Variants in ROBO1 observed in about 807,000 individuals in gnomAD.
ROBO1 encodes the protein roundabout homolog 1.
Under a neutral mutation model 195.9 loss-of-function variants are expected in ROBO1, and 149 were observed. The ratio of observed to expected loss-of-function variants is 0.76; its 90% CI spans 0.67 to 0.87. The LOEUF (loss-of-function observed/expected upper bound fraction) is 0.87. Among genes scored for constraint, ROBO1 ranks in the 40% least tolerant of loss-of-function variants. The pLI is 0.00. For synonymous variants in ROBO1, 816 were observed against 733.2 expected (o/e 1.11, Z -1.82); for missense variants, 1,933 against 2,068.3 (o/e 0.93, Z 1.27).
At chr3:79,244,061 C>A (rs1276925005) in intron 2 of ROBO1, among the ~76,000 whole-genome samples, 1 of 151,978 alleles carries the variant, frequency 6.6e-6, no homozygotes. Flanking sequence ...CTAACCCTCA[C>A]TATTTCTTTT....
At chr3:78,608,034 C>CAT (rs563078977) in intron 28 of ROBO1, among the ~76,000 whole-genome samples, 16 of 152,006 alleles carry the variant, frequency 1.1e-4, no homozygotes, top group Admixed American at 8.5e-4. Flanking sequence ...CACACACACA[C>CAT]ACACACACAC....
At chr3:79,333,365 A>G (rs2034530395) in intron 2 of ROBO1, among the ~76,000 whole-genome samples, 1 of 152,206 alleles carries the variant, frequency 6.6e-6, no homozygotes, top group African/African-American at 2.4e-5. Context: ...CTTATCAATT[A>G]TCAAGCATGC....
intron 2 of ROBO1, among the ~76,000 whole-genome samples, chr3:79,287,126 C>A (rs997952855): frequency 6.6e-6 from 1 of 152,106 alleles, no homozygotes; most frequent in African/African-American, 2.4e-5. Context: ...ACACTAAATT[C>A]TTCAGTTTGT....
At chr3:79,387,662 T>C (rs2036802521) in intron 2 of ROBO1, among the ~76,000 whole-genome samples, 1 of 150,760 alleles carries the variant, frequency 6.6e-6, no homozygotes, top group South Asian at 2.1e-4. Context: ...ATTTTGTAAA[T>C]AAATATAAAA....
chr3:79,643,995 GA>G (rs1274072455), intron 1 of ROBO1, among the ~76,000 whole-genome samples: 1 of 152,114 alleles, frequency 6.6e-6, no homozygotes, highest in Non-Finnish European at 1.5e-5. Context: ...GACACTTATA[GA>G]CTGAAAGTGA....
At chr3:78,968,011 G>A (rs1180732016) in intron 3 of ROBO1, among the ~76,000 whole-genome samples, 2 of 152,094 alleles carry the variant, frequency 1.3e-5, no homozygotes, top group Admixed American at 6.6e-5. Context: ...TTTCATTTCA[G>A]TTTAAGAAAC....
rs373688418 is a variant in ROBO1 at position 79,580,253 on chromosome 3, C to T, written c.88+9571G>A. On this transcript the variant is annotated intron_variant, in intron 2 of 30. Coordinates refer to ENST00000464233, the MANE Select transcript of ROBO1 (RefSeq NM_002941.4). Reference sequence around the variant, plus strand: ...TTGAGAGGCCTAAGCTGGCAGATCACATGAGGCCAGGATTTTGACTCCAGC... The same window carrying T: ...TTGAGAGGCCTAAGCTGGCAGATCATATGAGGCCAGGATTTTGACTCCAGC... 4.6e-5 allele frequency among the ~76,000 whole-genome samples: 7 copies of T among 152,166 alleles called. No homozygotes were observed. The East Asian group carries it at 7.8e-4, about 17-fold the overall frequency.
chr3:78,675,800 C>G (rs1261663192), intron 10 of ROBO1, among the ~76,000 whole-genome samples: 2 of 152,122 alleles, frequency 1.3e-5, no homozygotes, highest in African/African-American at 4.8e-5. Context: ...ATGTACCTGT[C>G]TGACAGCTTT....
At chr3:79,592,105 G>C (rs1944015957) in intron 1 of ROBO1, among the ~76,000 whole-genome samples, 1 of 151,754 alleles carries the variant, frequency 6.6e-6, no homozygotes. Flanking sequence ...TGAGATTTTT[G>C]TATCTGTGGC....
intron 2 of ROBO1, among the ~76,000 whole-genome samples, chr3:79,525,922 A>G (rs1365600047): frequency 1.3e-5 from 2 of 152,038 alleles, no homozygotes; most frequent in African/African-American, 2.4e-5. Flanking sequence ...AAAACTCTAC[A>G]CTTATTTAAG....
At chr3:79,690,569 G>A (rs191846501) in intron 1 of ROBO1, among the ~76,000 whole-genome samples, 1 of 152,110 alleles carries the variant, frequency 6.6e-6, no homozygotes, top group Non-Finnish European at 1.5e-5. Flanking sequence ...CCAACCTACA[G>A]AATGGTGAGA....
intron 2 of ROBO1, among the ~76,000 whole-genome samples, chr3:79,329,892 G>A (rs762714270): frequency 9.2e-5 from 14 of 151,872 alleles, no homozygotes; most frequent in Non-Finnish European, 1.5e-4. Context: ...GATTATATAC[G>A]TATTCTTATT....
chr3:79,022,168 G>A (rs1388771310), intron 3 of ROBO1, among the ~76,000 whole-genome samples: 8 of 152,100 alleles, frequency 5.3e-5, no homozygotes, highest in African/African-American at 1.9e-4. Context: ...AAGGCATTAC[G>A]GATCTATAAG....
chr3:78,768,658 T>TGA (rs2083288898), intron 4 of ROBO1, among the ~76,000 whole-genome samples: 3 of 151,774 alleles, frequency 2.0e-5, no homozygotes, highest in African/African-American at 7.3e-5. Context: ...CTTTTTTTTT[T>TGA]TTATTATTAT....
chr3:78,872,257 C>T (rs1412852409), intron 4 of ROBO1, among the ~76,000 whole-genome samples: 1 of 152,192 alleles, frequency 6.6e-6, no homozygotes, highest in African/African-American at 2.4e-5. Flanking sequence ...CCAAACCTGA[C>T]TGATGTTACA....
intron 2 of ROBO1, among the ~76,000 whole-genome samples, chr3:79,242,221 C>T (rs1309924984): frequency 6.6e-6 from 1 of 151,738 alleles, no homozygotes; most frequent in Non-Finnish European, 1.5e-5. Context: ...GTGTCTCTGA[C>T]CCCATAAAAG....
intron 4 of ROBO1, among the ~76,000 whole-genome samples, chr3:78,806,277 T>C (rs2084536306): frequency 1.3e-5 from 2 of 152,116 alleles, no homozygotes; most frequent in Non-Finnish European, 2.9e-5. Flanking sequence ...CCTGGTCTGC[T>C]CTCTCTAATT....
intron 20 of ROBO1, among the ~76,000 whole-genome samples, chr3:78,647,040 TG>T (rs1706339824): frequency 6.6e-6 from 1 of 152,006 alleles, no homozygotes; most frequent in African/African-American, 2.4e-5. Flanking sequence ...CTCCCAGTGA[TG>T]ACAATAACTG....
At chr3:78,833,751 C>A (rs997481464) in intron 4 of ROBO1, among the ~76,000 whole-genome samples, 2 of 151,896 alleles carry the variant, frequency 1.3e-5, no homozygotes, top group Non-Finnish European at 2.9e-5. Flanking sequence ...GTGGAAATGA[C>A]CAATAAGCAG....
Sources: gnomAD v4.1 joint callset for allele counts (sites outside exome capture counted in the v4.1 genomes callset) on GRCh38, gnomAD v4.1.1 for gene constraint, MANE v1.5 for transcripts, NCBI Gene and HGNC (gene_info 2026-07-23, HGNC 2026-07-21) for gene names.